The following TMEM178B variants were observed in gnomAD, a reference collection of about 807,000 sequenced individuals.
TMEM178B encodes the protein transmembrane protein 178B.
Under a neutral mutation model 31.0 loss-of-function variants are expected in TMEM178B, and 5 were observed. The ratio of observed to expected loss-of-function variants is 0.16; its 90% CI spans 0.08 to 0.34. The LOEUF (loss-of-function observed/expected upper bound fraction) is 0.34, where lower values mean the gene tolerates loss of function less well. TMEM178B is among the 10% of genes least tolerant of loss of function. TMEM178B has a pLI of 1.00. For missense variants in TMEM178B, 275 were observed against 400.3 expected (o/e 0.69, Z 2.67); for synonymous variants, 164 against 164.0 (o/e 1.00, Z 0.00).
At chr7:141,439,079 G>A (rs1181746) in intron 3 of TMEM178B, among the ~76,000 whole-genome samples, 36,688 of 151,804 alleles carry the variant, frequency 0.24, 5,272 homozygotes, top group East Asian at 0.58. Flanking sequence ...TTGTCTGCAG[G>A]TCAAGCTGGG....
intron 2 of TMEM178B, among the ~76,000 whole-genome samples, chr7:141,420,724 A>T (rs1801190728): frequency 6.6e-6 from 1 of 152,220 alleles, no homozygotes; most frequent in African/African-American, 2.4e-5. Flanking sequence ...TGTGGGAGGT[A>T]CACAAACCTG....
intron 1 of TMEM178B, among the ~76,000 whole-genome samples, chr7:141,120,707 A>G (rs1323082105): frequency 2.0e-5 from 3 of 152,088 alleles, no homozygotes; most frequent in Non-Finnish European, 4.4e-5. Flanking sequence ...TATAATCCCA[A>G]TACTTTGGGA....
At chr7:141,134,458 A>C (rs1795642529) in intron 1 of TMEM178B, among the ~76,000 whole-genome samples, 1 of 152,234 alleles carries the variant, frequency 6.6e-6, no homozygotes, top group Non-Finnish European at 1.5e-5. Context: ...GGAGTCCTAC[A>C]TCTGGAAATG....
At chr7:141,407,682 TTCC>T (rs1237135084) in intron 2 of TMEM178B, among the ~76,000 whole-genome samples, 15 of 152,318 alleles carry the variant, frequency 9.8e-5, no homozygotes, top group Non-Finnish European at 2.2e-4. Context: ...GTAACTGACT[TTCC>T]TGTGTCACAC....
At chr7:141,083,041 C>T (rs1217007324) in intron 1 of TMEM178B, among the ~76,000 whole-genome samples, 1 of 152,096 alleles carries the variant, frequency 6.6e-6, no homozygotes, top group Non-Finnish European at 1.5e-5. Context: ...TAATCCTAGG[C>T]CTTCAGGCAG....
At chr7:141,225,143 GCAGGACTAGAATCCAGA>G in intron 2 of TMEM178B, among the ~76,000 whole-genome samples, 1 of 152,148 alleles carries the variant, frequency 6.6e-6, no homozygotes, top group Non-Finnish European at 1.5e-5. Context: ...ACAAGAAGAG[GCAGGACTAGAATCCAGA>G]CAGTTGTGAC....
At chr7:141,299,304 G>A (rs1218095989) in intron 2 of TMEM178B, among the ~76,000 whole-genome samples, 1 of 152,146 alleles carries the variant, frequency 6.6e-6, no homozygotes, top group Non-Finnish European at 1.5e-5. Flanking sequence ...AGCCTCCCAA[G>A]TAGCTGGGAT....
chr7:141,449,762 C>T (rs1016048897), intron 3 of TMEM178B, among the ~76,000 whole-genome samples: 1 of 152,182 alleles, frequency 6.6e-6, no homozygotes, highest in African/African-American at 2.4e-5. Flanking sequence ...CACACCTTGG[C>T]CCAGGCAATC....
intron 2 of TMEM178B, among the ~76,000 whole-genome samples, chr7:141,215,837 T>TC (rs1554463706): frequency 1.6e-4 from 11 of 68,834 alleles, no homozygotes; most frequent in African/African-American, 3.9e-4. Flanking sequence ...TTTCTTTCTT[T>TC]CTTTTCTTTT....
rs371744072 is a variant in TMEM178B, at chr7:141,477,701, G to C, written c.*6915G>C. 2.6e-5 allele frequency: 4 copies of C among 152,182 alleles called. No individual in the cohort carries two copies. In the East Asian group the frequency reaches 7.7e-4, roughly 29 times the overall value. The allele number at this position is 152,182 out of a possible 1,614,324, so 9.4% of individuals were successfully genotyped here. A position where few individuals can be genotyped will look rare whatever the true frequency, so the allele number is the denominator to read the frequency against. On this transcript the variant is annotated 3_prime_UTR_variant, in exon 4 of 4. Transcript: ENST00000565468. Reference sequence around the variant, plus strand: ...GATCAGGGGCTTCCAGGGCTCTGGGGGTGCGCAGTCCCCTTGTGTATTTTG... The same window carrying C: ...GATCAGGGGCTTCCAGGGCTCTGGGCGTGCGCAGTCCCCTTGTGTATTTTG...
At chr7:141,468,498 ACT>A (rs1802183771) in intron 3 of TMEM178B, among the ~76,000 whole-genome samples, 1 of 152,040 alleles carries the variant, frequency 6.6e-6, no homozygotes, top group Admixed American at 6.6e-5. Flanking sequence ...TTGTAACCTG[ACT>A]CTGTCAGTTA....
chr7:141,081,597 T>C lies in TMEM178B; in HGVS notation c.382+6905T>C, dbSNP rs185708636. Among the ~76,000 whole-genome samples, 12 of 151,162 alleles carry C rather than the reference T, an allele frequency of 7.9e-5. No homozygotes were observed. The East Asian group carries it at 1.2e-3, about 15-fold the overall frequency. ...GTTGTAGTGAGCTGAGATTGCACCA[T>C]TGCGCTCCAGCCTGGGTAACAATAG... On this transcript the variant is annotated intron_variant, in intron 1 of 3. Transcript: ENST00000565468.
intron 2 of TMEM178B, among the ~76,000 whole-genome samples, chr7:141,253,957 C>T: frequency 6.6e-6 from 1 of 152,162 alleles, no homozygotes; most frequent in East Asian, 1.9e-4. Context: ...CAGGGCAAAG[C>T]TATACATCTT....
chr7:141,378,957 A>G (rs1194659347), intron 2 of TMEM178B, among the ~76,000 whole-genome samples: 1 of 152,206 alleles, frequency 6.6e-6, no homozygotes. Context: ...TATGTGACAT[A>G]ACAGCAGTCT....
At chr7:141,457,464 C>A (rs768179899) in intron 3 of TMEM178B, among the ~76,000 whole-genome samples, 2 of 151,706 alleles carry the variant, frequency 1.3e-5, no homozygotes, top group Non-Finnish European at 2.9e-5. Context: ...ACAGAAGATA[C>A]AGAAACTGAG....
At chr7:141,231,004 T>C (rs972352219) in intron 2 of TMEM178B, among the ~76,000 whole-genome samples, 3 of 152,136 alleles carry the variant, frequency 2.0e-5, no homozygotes, top group African/African-American at 4.8e-5. Context: ...GCTAAAGAAA[T>C]GGACAACCTT....
At chr7:141,158,848 G>A (rs759627230) in intron 1 of TMEM178B, among the ~76,000 whole-genome samples, 1 of 152,126 alleles carries the variant, frequency 6.6e-6, no homozygotes, top group African/African-American at 2.4e-5. Context: ...TCCTGTGGGT[G>A]ACCTCTTGAT....
At chr7:141,145,468 C>T (rs750832895) in intron 1 of TMEM178B, among the ~76,000 whole-genome samples, 24 of 152,184 alleles carry the variant, frequency 1.6e-4, no homozygotes, top group Non-Finnish European at 2.8e-4. Context: ...TAAGAGGGCT[C>T]CTTCTTTCTA....
At chr7:141,334,425 A>C (rs1799349718) in intron 2 of TMEM178B, among the ~76,000 whole-genome samples, 1 of 152,246 alleles carries the variant, frequency 6.6e-6, no homozygotes, top group African/African-American at 2.4e-5. Context: ...GAACGTAGTC[A>C]TCACATGCTA....
Sources: gnomAD v4.1 joint callset for allele counts (sites outside exome capture counted in the v4.1 genomes callset) on GRCh38, gnomAD v4.1.1 for gene constraint, MANE v1.5 for transcripts, NCBI Gene and HGNC (gene_info 2026-07-23, HGNC 2026-07-21) for gene names.